Variants in ROBO2 observed in about 807,000 individuals in gnomAD.
ROBO2 encodes the protein roundabout homolog 2.
ROBO2 carries 53 observed loss-of-function variants against 160.8 expected under a neutral mutation model. The ratio of observed to expected loss-of-function variants is 0.33; its 90% CI spans 0.26 to 0.41. The LOEUF is 0.41. Ranked by LOEUF, ROBO2 falls within the 10% of genes least tolerant of loss-of-function variation. ROBO2 has a pLI of 1.00. For synonymous variants in ROBO2, 664 were observed against 611.7 expected (o/e 1.09, Z -1.26); for missense variants, 1,577 against 1,722.4 (o/e 0.92, Z 1.49).
chr3:76,865,194 T>C (rs980867515), intron 2 of ROBO2, among the ~76,000 whole-genome samples: 3 of 152,140 alleles, frequency 2.0e-5, no homozygotes, highest in Non-Finnish European at 4.4e-5. Flanking sequence ...TCTCAAATTA[T>C]CATTGGTGAA....
At chr3:76,845,246 G>A (rs758061041) in intron 2 of ROBO2, among the ~76,000 whole-genome samples, 3 of 151,912 alleles carry the variant, frequency 2.0e-5, no homozygotes, top group Non-Finnish European at 4.4e-5. Context: ...AAATTCAGAT[G>A]CAATTTAGTA....
At chr3:76,208,789 G>T (rs1329754597) in intron 2 of ROBO2, among the ~76,000 whole-genome samples, 2 of 151,974 alleles carry the variant, frequency 1.3e-5, no homozygotes. Flanking sequence ...ATAATCCCCG[G>T]GTCTGGGGGA....
At chr3:77,209,140 A>G (rs1007944162) in intron 2 of ROBO2, among the ~76,000 whole-genome samples, 4 of 152,198 alleles carry the variant, frequency 2.6e-5, no homozygotes, top group Non-Finnish European at 5.9e-5. Context: ...ACTTTATTCC[A>G]GAATTATCTG....
intron 6 of ROBO2, among the ~76,000 whole-genome samples, chr3:77,531,581 A>T (rs1393907230): frequency 6.6e-6 from 1 of 152,030 alleles, no homozygotes; most frequent in Non-Finnish European, 1.5e-5. Flanking sequence ...ATTCAGCATG[A>T]ATTATAAATC....
intron 2 of ROBO2, among the ~76,000 whole-genome samples, chr3:76,573,547 G>A (rs1320038434): frequency 6.7e-6 from 1 of 148,562 alleles, no homozygotes; most frequent in Non-Finnish European, 1.5e-5. Context: ...TTTGCTTATA[G>A]GATGTTAACC....
rs187878117 is a variant in ROBO2 at position 77,477,214 on chromosome 3, T to C, written c.389-200T>C. ...TGAATTTTTGACCAAAGGTGCATGATAATTTAGTCAGCCATTCTCCTGTTG... is the reference window on the plus strand; with the variant it reads ...TGAATTTTTGACCAAAGGTGCATGACAATTTAGTCAGCCATTCTCCTGTTG... On this transcript the variant is annotated intron_variant, in intron 2 of 25. Transcript: ENST00000461745. 2.0e-5 allele frequency among the ~76,000 whole-genome samples: 3 copies of C among 152,332 alleles called. No homozygotes were observed. In the East Asian group the frequency reaches 5.8e-4, roughly 29 times the overall value.
At chr3:76,549,103 G>T (rs1176908274) in intron 2 of ROBO2, among the ~76,000 whole-genome samples, 1 of 152,032 alleles carries the variant, frequency 6.6e-6, no homozygotes, top group East Asian at 1.9e-4. Context: ...TAATATTTGG[G>T]GTTGGGGTGC....
intron 2 of ROBO2, among the ~76,000 whole-genome samples, chr3:77,104,801 C>T (rs974241549): frequency 4.6e-5 from 7 of 151,984 alleles, no homozygotes; most frequent in African/African-American, 1.4e-4. Context: ...TTTTCTATGT[C>T]GTATGTCCAT....
At chr3:76,414,305 T>C (rs1382789380) in intron 2 of ROBO2, among the ~76,000 whole-genome samples, 3 of 152,126 alleles carry the variant, frequency 2.0e-5, no homozygotes, top group Non-Finnish European at 2.9e-5. Flanking sequence ...CAAAGTATTA[T>C]AAAATTAACA....
chr3:77,298,796 T>C (rs1248415166), intron 2 of ROBO2, among the ~76,000 whole-genome samples: 1 of 152,158 alleles, frequency 6.6e-6, no homozygotes, highest in African/African-American at 2.4e-5. Context: ...CATGGGAGTG[T>C]GCTTGGCACT....
chr3:75,938,604 G>A (rs2107033953), intron 2 of ROBO2, among the ~76,000 whole-genome samples: 1 of 152,166 alleles, frequency 6.6e-6, no homozygotes, highest in South Asian at 2.1e-4. Flanking sequence ...TTATATAATT[G>A]TGATGAAGTT....
intron 2 of ROBO2, among the ~76,000 whole-genome samples, chr3:77,231,461 AG>A (rs2087201903): frequency 6.6e-6 from 1 of 151,456 alleles, no homozygotes; most frequent in African/African-American, 2.4e-5. Context: ...ATACACACTT[AG>A]GACCCCTGAT....
chr3:76,083,875 C>T (rs2068921358), intron 2 of ROBO2, among the ~76,000 whole-genome samples: 1 of 152,100 alleles, frequency 6.6e-6, no homozygotes, highest in Non-Finnish European at 1.5e-5. Context: ...ACGATGATGG[C>T]AATATGATGG....
chr3:77,293,019 C>G (rs184543063), intron 2 of ROBO2, among the ~76,000 whole-genome samples: 1,542 of 149,298 alleles, frequency 0.01, 23 homozygotes, highest in Non-Finnish European at 0.017. Context: ...GGCTAGATCA[C>G]CAAAGACATA....
At chr3:76,275,351 C>T (rs1336802771) in intron 2 of ROBO2, among the ~76,000 whole-genome samples, 1 of 151,996 alleles carries the variant, frequency 6.6e-6, no homozygotes, top group Non-Finnish European at 1.5e-5. Flanking sequence ...ATGAGAGCAC[C>T]TGTTTCCTCA....
intron 2 of ROBO2, among the ~76,000 whole-genome samples, chr3:76,135,868 T>C (rs562598207): frequency 3.3e-5 from 5 of 152,276 alleles, no homozygotes; most frequent in Admixed American, 2.6e-4. Flanking sequence ...AGATGAATTT[T>C]GCGTGTGCTG....
chr3:76,926,611 A>G (rs978466099), intron 2 of ROBO2, among the ~76,000 whole-genome samples: 2 of 152,220 alleles, frequency 1.3e-5, no homozygotes, highest in Non-Finnish European at 2.9e-5. Flanking sequence ...CAAACTTACC[A>G]GATTTACTGA....
chr3:77,150,259 C>T (rs1419963386), intron 2 of ROBO2, among the ~76,000 whole-genome samples: 1 of 152,164 alleles, frequency 6.6e-6, no homozygotes, highest in Non-Finnish European at 1.5e-5. Flanking sequence ...TGACAGCTCT[C>T]AGTTAAAATG....
chr3:76,267,049 G>A (rs1707142580), intron 2 of ROBO2, among the ~76,000 whole-genome samples: 2 of 152,100 alleles, frequency 1.3e-5, no homozygotes, highest in Admixed American at 6.6e-5. Context: ...ATGTTCCTTA[G>A]GTTGATGGTT....
Sources: allele counts gnomAD v4.1 joint callset (sites outside exome capture counted in the v4.1 genomes callset), GRCh38; gene constraint gnomAD v4.1.1; transcripts MANE v1.5; gene names NCBI Gene and HGNC (gene_info 2026-07-23, HGNC 2026-07-21).